PRKN: variants seen among roughly 807,000 people sequenced by gnomAD.
The protein encoded by PRKN is E3 ubiquitin-protein ligase parkin.
PRKN carries 56 observed loss-of-function variants against 59.5 expected under a neutral mutation model. The observed-to-expected ratio is 0.94, with a 90% CI of 0.76 to 1.18. PRKN has a LOEUF of 1.18. PRKN is among the 50% of genes most tolerant of loss of function. The pLI, the probability that PRKN is intolerant of heterozygous loss-of-function variation, is 0.00. For synonymous variants in PRKN, 250 were observed against 222.1 expected, an observed-to-expected ratio of 1.13 and a Z score of -1.12; for missense variants, 657 against 596.4, an observed-to-expected ratio of 1.10 and a Z score of -1.06.
Position 161,475,727 on chromosome 6 carries a change from G to A in PRKN, c.1083+73127C>T, listed in dbSNP as rs1028267010. Among the ~76,000 whole-genome samples, 1 of 151,820 alleles carries A rather than the reference G, an allele frequency of 6.6e-6. No homozygotes were observed. The highest frequency in any genetic ancestry group is 1.5e-5 in the Non-Finnish European group (1 of 67,986). ...TGAGCTCAAGGAATCTGCTCGCCTC[G>A]GTCTCCCAAAGTGCTGGGATTACAG... On this transcript the variant is annotated intron_variant, in intron 9 of 11. Coordinates refer to ENST00000366898, the MANE Select transcript of PRKN (RefSeq NM_004562.3). This position sits in a 1 kb window ranked among gnomAD's most constrained non-coding sequence, Gnocchi z 5.3.
chr6:161,516,460 C>A (rs1455782549), intron 9 of PRKN, among the ~76,000 whole-genome samples: 1 of 89,404 alleles, frequency 1.1e-5, no homozygotes, highest in African/African-American at 4.7e-5. Flanking sequence ...CAGAGTGAGG[C>A]TCCTTCTAAA....
At chr6:161,829,849 C>CAAAA (rs11457054) in intron 6 of PRKN, among the ~76,000 whole-genome samples, 4 of 86,440 alleles carry the variant, frequency 4.6e-5, no homozygotes, top group African/African-American at 3.4e-5. Flanking sequence ...CACTAAATGC[C>CAAAA]AAAAAAAAAA....
chr6:162,017,482 A>T (rs1285331371), intron 5 of PRKN, among the ~76,000 whole-genome samples: 1 of 152,208 alleles, frequency 6.6e-6, no homozygotes, highest in Non-Finnish European at 1.5e-5. Flanking sequence ...ATATTGTAGA[A>T]AAATCTAATT....
At chr6:161,618,414 G>T (rs183948574) in intron 7 of PRKN, among the ~76,000 whole-genome samples, 121 of 152,210 alleles carry the variant, frequency 7.9e-4, no homozygotes, top group African/African-American at 2.8e-3. Flanking sequence ...CTCTCTCAAG[G>T]TAAAAGACTA....
In PRKN at chr6:161,451,161, C is replaced by T. The variant is rs1789725329; in HGVS notation, c.1084-64284G>A. Among the ~76,000 whole-genome samples, 1 of 152,162 alleles carries T rather than the reference C, an allele frequency of 6.6e-6. No individual in the cohort carries two copies. Among genetic ancestry groups the T allele is most frequent in the South Asian group, 2.1e-4 (1 of 4,828 alleles). Reference sequence around the variant, plus strand: ...CCATGTTATTTCTCTTAGGTCCCAGCACCGCAGAAAATCATCTTGAACACC... The same window carrying T: ...CCATGTTATTTCTCTTAGGTCCCAGTACCGCAGAAAATCATCTTGAACACC... On this transcript the variant is annotated intron_variant, in intron 9 of 11. Transcript: ENST00000366898. This position sits in a 1 kb window ranked among gnomAD's most constrained non-coding sequence, Gnocchi z 5.9.
At chr6:162,084,271 A>G (rs930976284) in intron 4 of PRKN, among the ~76,000 whole-genome samples, 1 of 152,138 alleles carries the variant, frequency 6.6e-6, no homozygotes, top group South Asian at 2.1e-4. Flanking sequence ...GTAAAGCCAA[A>G]TCCTGTAATC....
chr6:161,889,860 T>C (rs892782053), intron 6 of PRKN, among the ~76,000 whole-genome samples: 22 of 152,210 alleles, frequency 1.4e-4, no homozygotes, highest in African/African-American at 5.3e-4. Context: ...CTTCCAATTA[T>C]CTGTAATTTT....
chr6:162,368,300 G>C (rs907633284), intron 2 of PRKN, among the ~76,000 whole-genome samples: 1 of 152,132 alleles, frequency 6.6e-6, no homozygotes, highest in Non-Finnish European at 1.5e-5. Flanking sequence ...TGTATTTTTA[G>C]AGCAGTTACC....
intron 7 of PRKN, among the ~76,000 whole-genome samples, chr6:161,601,675 C>T (rs2128143584): frequency 6.6e-6 from 1 of 151,894 alleles, no homozygotes; most frequent in East Asian, 1.9e-4. Flanking sequence ...CTCCGCCTCC[C>T]AGGTTCACGC....
At chr6:161,713,675 C>G (rs1470528972) in intron 7 of PRKN, among the ~76,000 whole-genome samples, 1 of 152,194 alleles carries the variant, frequency 6.6e-6, no homozygotes, top group African/African-American at 2.4e-5. Flanking sequence ...GTCCATCACT[C>G]TGGCTCATAC....
rs149693669 is a variant in PRKN, at chr6:161,455,840, C to T, written c.1084-68963G>A. Among the ~76,000 whole-genome samples, 1,271 of 141,850 alleles carry T rather than the reference C, an allele frequency of 9.0e-3. 10 individuals carry two copies. Among genetic ancestry groups the T allele is most frequent in the Non-Finnish European group, 0.013 (834 of 66,554 alleles). The allele number at this position is 141,850 out of a possible 152,430, so 93.1% of individuals were successfully genotyped here. A position where few individuals can be genotyped will look rare whatever the true frequency, so the allele number is the denominator to read the frequency against. Reference sequence around the variant, plus strand: ...ATCGCGCCACTGCACTCCAGCCTGGCGACACAGCAAGACTCCGTCTCAAAA... The same window carrying T: ...ATCGCGCCACTGCACTCCAGCCTGGTGACACAGCAAGACTCCGTCTCAAAA... On this transcript the variant is annotated intron_variant, in intron 9 of 11. Coordinates refer to ENST00000366898, the MANE Select transcript of PRKN (RefSeq NM_004562.3).
intron 6 of PRKN, among the ~76,000 whole-genome samples, chr6:161,902,471 G>C (rs73022592): frequency 0.044 from 6,733 of 151,846 alleles, 413 homozygotes; most frequent in East Asian, 0.33. Context: ...ATATTTTTAG[G>C]CAGAGAGTGG....
At chr6:161,646,318 C>G (rs1463459181) in intron 7 of PRKN, among the ~76,000 whole-genome samples, 1 of 89,234 alleles carries the variant, frequency 1.1e-5, no homozygotes, top group East Asian at 3.1e-4. Flanking sequence ...GTATCAGTGA[C>G]AGTGGTGACT....
At chr6:161,455,081 C>G (rs1474766559) in intron 9 of PRKN, among the ~76,000 whole-genome samples, 1 of 151,618 alleles carries the variant, frequency 6.6e-6, no homozygotes, top group Non-Finnish European at 1.5e-5. Flanking sequence ...CTCTGTCGCC[C>G]AGGCTGGAGT....
intron 1 of PRKN, among the ~76,000 whole-genome samples, chr6:162,658,744 AACT>A (rs1778764703): frequency 6.6e-6 from 1 of 151,824 alleles, no homozygotes; most frequent in African/African-American, 2.4e-5. Context: ...TGAAGATCTG[AACT>A]TAAATCATCT....
In PRKN at chr6:162,227,275, T is replaced by A. The variant is rs530328105; in HGVS notation, c.413-26023A>T. Among the ~76,000 whole-genome samples the A allele has an allele frequency of 1.4e-4, 21 of 152,306 alleles. 2 individuals are homozygous for A. Among genetic ancestry groups the A allele is most frequent in the Middle Eastern group, 3.4e-3 (1 of 294 alleles). On this transcript the variant is annotated intron_variant, in intron 3 of 11. Coordinates refer to ENST00000366898, the MANE Select transcript of PRKN (RefSeq NM_004562.3). ...TGACTATTGCATTCATTTTTAGCTA[T>A]GCAACACTTTGAAAATAAGGGTTTT...
chr6:161,873,356 C>T (rs1583278032), intron 6 of PRKN, among the ~76,000 whole-genome samples: 1 of 152,084 alleles, frequency 6.6e-6, no homozygotes, highest in East Asian at 1.9e-4. Flanking sequence ...ATAAGTTATA[C>T]TGTGGCGTGT....
At chr6:162,380,074 A>G (rs1415022194) in intron 2 of PRKN, among the ~76,000 whole-genome samples, 1 of 152,192 alleles carries the variant, frequency 6.6e-6, no homozygotes, top group East Asian at 1.9e-4. Flanking sequence ...TTATACTGGA[A>G]TGCAACATCT....
intron 6 of PRKN, among the ~76,000 whole-genome samples, chr6:161,805,385 C>T (rs1235040560): frequency 3.9e-5 from 6 of 151,926 alleles, no homozygotes; most frequent in African/African-American, 9.7e-5. Context: ...TCTGGATAAG[C>T]ATCTGAGGAT....
Sources: gnomAD v4.1 joint callset for allele counts (sites outside exome capture counted in the v4.1 genomes callset) on GRCh38, gnomAD v4.1.1 for gene constraint, Gnocchi (gnomAD v3.1) non-coding constraint, MANE v1.5 for transcripts, NCBI Gene and HGNC (gene_info 2026-07-23, HGNC 2026-07-21) for gene names.